Variants in PHRF1 observed in about 807,000 individuals in gnomAD.
PHRF1 encodes PHD and RING finger domain-containing protein 1.
In PHRF1, 53 loss-of-function variants were observed where a neutral mutation model predicts 128.9. The ratio of observed to expected loss-of-function variants is 0.41; its 90% confidence interval spans 0.33 to 0.52. The LOEUF (loss-of-function observed/expected upper bound fraction) is 0.52, where lower values mean the gene tolerates loss of function less well. Ranked by LOEUF, PHRF1 falls within the 20% of genes least tolerant of loss-of-function variation. The pLI, the probability that PHRF1 is intolerant of heterozygous loss-of-function variation, is 0.21. For synonymous variants in PHRF1, 1,178 were observed against 980.6 expected (o/e 1.20, Z -3.76); for missense variants, 2,503 against 2,284.5 (o/e 1.10, Z -1.95).
At chr11:577,513 CAG>C (rs1853949885) in intron 1 of PHRF1, among the ~76,000 whole-genome samples, 1 of 152,238 alleles carries the variant, frequency 6.6e-6, no homozygotes, top group African/African-American at 2.4e-5. Context: ...AATGTTAAGT[CAG>C]AGTGCTAGTG....
At chr11:610,856 T>C in intron 16 of PHRF1, 95 bp downstream of exon 16, 1 of 1,583,736 alleles carries the variant, frequency 6.3e-7, no homozygotes, top group South Asian at 1.1e-5. Context: ...CTGGTCGCTG[T>C]GCCTCTGGAA....
At position 609,419 on chromosome 11, in the gene PHRF1, G is replaced by T. The variant is rs1856204348; in HGVS notation, c.3963G>T (p.Arg1321Ser). ...GCCTGGCCGTGGCCGCCATCCAGAG[G>T]GAGGTGTCATTGATGCACGATGAAG... Reference protein sequence around the residue: ...PASLAVAAIQREVSLMHDEDP... With the variant: ...PASLAVAAIQSEVSLMHDEDP... Residue 1321 changes from arginine (R) to serine (S), a missense_variant, in exon 14 of 18, where the codon AGG becomes AGT. Coordinates refer to ENST00000264555, the MANE Select transcript of PHRF1 (RefSeq NM_001286581.2). The T allele has an allele frequency of 5.0e-6, 8 of 1,609,630 alleles. No individual in the cohort carries two copies. Among genetic ancestry groups the T allele is most frequent in the Non-Finnish European group, 5.9e-6 (7 of 1,179,842 alleles).
Position 592,689 on chromosome 11 carries a change from G to A in PHRF1, c.620+15G>A, listed in dbSNP as rs755160050. 7.4e-6 allele frequency: 12 copies of A among 1,613,372 alleles called. No individual in the cohort carries two copies. The highest frequency in any genetic ancestry group is 1.3e-5 in the African/African-American group (1 of 74,942). On this transcript the variant is annotated intron_variant, in intron 6 of 17. Coordinates refer to ENST00000264555, the MANE Select transcript of PHRF1 (RefSeq NM_001286581.2). ...TGCGATGCGGGGTAAGGGACGGTTG[G>A]GACTGGCACACGTGCCCTGCTGCGT...
At position 608,436 on chromosome 11, in the gene PHRF1, C is replaced by T. The variant is rs760052093; in HGVS notation, c.2980C>T (p.Arg994Cys). The change falls in exon 14 of 18, where the codon CGC (arginine) becomes TGC (cysteine). Residue 994 changes from arginine to cysteine, a missense_variant. Physicochemically the swap from Arg to Cys is radical, Grantham distance 180 (BLOSUM62 -3). Coordinates refer to ENST00000264555, the MANE Select transcript of PHRF1 (RefSeq NM_001286581.2). Reference sequence around the variant, plus strand: ...GGAGCTCAGGCCCCCTTCCCGGTCCCGCTCCACATCCAGCTCCCGCAGCAG... The same window carrying T: ...GGAGCTCAGGCCCCCTTCCCGGTCCTGCTCCACATCCAGCTCCCGCAGCAG... ...VVELRPPSRS[R>C]STSSSRSRKK... 11 of 1,612,054 alleles carry T rather than the reference C, an allele frequency of 6.8e-6. No individual in the cohort carries two copies. Among genetic ancestry groups the T allele is most frequent in the East Asian group, 6.7e-5 (3 of 44,878 alleles).
At chr11:598,828 G>A (rs1161195468) in intron 9 of PHRF1, among the ~76,000 whole-genome samples, 2 of 152,194 alleles carry the variant, frequency 1.3e-5, no homozygotes, top group Non-Finnish European at 2.9e-5. Context: ...GTCAGAATAC[G>A]CCCTGAAGCC....
At chr11:595,974 T>C (rs1855251904) in intron 6 of PHRF1, among the ~76,000 whole-genome samples, 1 of 152,208 alleles carries the variant, frequency 6.6e-6, no homozygotes, top group Non-Finnish European at 1.5e-5. Flanking sequence ...CTCCTGTCTT[T>C]CTTGTATGGC....
chr11:597,056 G>A lies in PHRF1; in HGVS notation c.718+36G>A. On this transcript the variant is annotated intron_variant, in intron 7 of 17. Coordinates refer to ENST00000264555, the MANE Select transcript of PHRF1 (RefSeq NM_001286581.2). The surrounding 1 kb of genome is among the most constrained non-coding windows in gnomAD (Gnocchi z 6.5). ...TGCTCCCGTCCCAAGGCGCACATGG[G>A]CCTTCTCACTGTCCACTCTGCGGTC... 6.3e-7 allele frequency: 1 copy of A among 1,599,342 alleles called. No individual in the cohort carries two copies. The highest frequency in any genetic ancestry group is 8.6e-7 in the Non-Finnish European group (1 of 1,168,858).
intron 4 of PHRF1, among the ~76,000 whole-genome samples, chr11:589,481 T>C (rs1854791788): frequency 6.6e-6 from 1 of 152,118 alleles, no homozygotes; most frequent in Admixed American, 6.6e-5. Context: ...ATATTATGAT[T>C]TATAAAACTA....
chr11:584,113 T>C (rs993970651), intron 3 of PHRF1, among the ~76,000 whole-genome samples: 1 of 152,236 alleles, frequency 6.6e-6, no homozygotes, highest in Non-Finnish European at 1.5e-5. Context: ...GTGTTGGCCG[T>C]GTCCTTCCAG....
intron 3 of PHRF1, among the ~76,000 whole-genome samples, chr11:583,772 G>GTGGTACCTCCTTCC (rs1472533297): frequency 2.6e-5 from 4 of 152,204 alleles, no homozygotes; most frequent in Non-Finnish European, 5.9e-5. Flanking sequence ...GGGTGCGCTG[G>GTGGTACCTCCTTCC]TGGTACCTCC....
At position 609,539 on chromosome 11, in the gene PHRF1, G is replaced by A. The variant is rs764330134; in HGVS notation, c.4083G>A (p.Pro1361=). The A allele has an allele frequency of 9.4e-6, 15 of 1,600,006 alleles. No homozygotes were observed. Among genetic ancestry groups the A allele is most frequent in the South Asian group, 5.6e-5 (5 of 89,504 alleles). ...AAEKAEAPSS[P]DVAPAGKEDS... is the part of the protein sequence containing the mutation. ...AGAAGGCTGAGGCACCCAGTTCCCC[G>A]GATGTGGCGCCTGCGGGGAAGGAAG... The change falls in exon 14 of 18, where the codon CCG becomes CCA. Residue 1361 remains proline, a synonymous_variant. Transcript: ENST00000264555.
At chr11:587,898 A>G (rs1038130097) in intron 4 of PHRF1, among the ~76,000 whole-genome samples, 6 of 152,216 alleles carry the variant, frequency 3.9e-5, no homozygotes, top group Non-Finnish European at 7.3e-5. Flanking sequence ...GACTGTCCTT[A>G]AAACAGGTGA....
rs1212904400 is a variant in PHRF1 at position 585,680 on chromosome 11, C to CT, written c.215-1561dup. 6.5e-3 allele frequency among the ~76,000 whole-genome samples: 455 copies of CT among 70,354 alleles called. 128 individuals are homozygous for CT. Among genetic ancestry groups the CT allele is most frequent in the Admixed American group, 0.011 (74 of 6,830 alleles). The allele number at this position is 70,354 out of a possible 152,430, so 46.2% of individuals were successfully genotyped here. ...AGCTTGAGGTAGTAGCTCTTCAACT[C>CT]TTTTTTTTTTTTTTTTTTGAGGTCG... is the stretch of plus-strand genomic sequence containing the variant. On this transcript the variant is annotated intron_variant, in intron 3 of 17. Transcript: ENST00000264555.
chr11:598,641 A>C, intron 9 of PHRF1, 139 bp downstream of exon 9: 24 of 1,304,746 alleles, frequency 1.8e-5, no homozygotes, highest in Non-Finnish European at 2.5e-5. Context: ...AAAACACTAC[A>C]CAGAAGCCGC....
At position 605,120 on chromosome 11, in the gene PHRF1, G is replaced by A. The variant is rs764860202; in HGVS notation, c.1154G>A (p.Ser385Asn). ...CTTTTTCTTTGTTACTGGATTCAGA[G>A]TGAAGCCACCACTCGCTCTCGAATC... ...VKKRRGKKVK[S>N]EATTRSRIAR... Residue 385 changes from serine to asparagine, a missense_variant and splice_region_variant, in exon 11 of 18, where the codon AGT (serine) becomes AAT (asparagine). Physicochemically the swap from Ser to Asn is conservative, Grantham distance 46. Coordinates refer to ENST00000264555, the MANE Select transcript of PHRF1 (RefSeq NM_001286581.2). The A allele has an allele frequency of 6.2e-7, 1 of 1,607,294 alleles. No individual in the cohort carries two copies. The highest frequency in any genetic ancestry group is 1.3e-5 in the African/African-American group (1 of 74,838).
At chr11:603,326 T>A (rs569427005) in intron 10 of PHRF1, among the ~76,000 whole-genome samples, 2 of 152,192 alleles carry the variant, frequency 1.3e-5, no homozygotes, top group African/African-American at 4.8e-5. Context: ...AAGTGTTGTT[T>A]GTTTGTTTGT....
chr11:599,660 C>A (rs983306059), intron 9 of PHRF1, among the ~76,000 whole-genome samples: 14 of 152,132 alleles, frequency 9.2e-5, no homozygotes, highest in Admixed American at 5.9e-4. Context: ...GTTATGAGAC[C>A]ACACTTCAGC....
intron 1 of PHRF1, among the ~76,000 whole-genome samples, chr11:578,991 C>T (rs1005185109): frequency 3.3e-5 from 5 of 152,182 alleles, no homozygotes; most frequent in Admixed American, 2.0e-4. Context: ...AGGTGCACGC[C>T]GCCATGCCCG....
chr11:609,506 C>A lies in PHRF1; in HGVS notation c.4050C>A (p.Asp1350Glu). Reference protein sequence around the residue: ...GTQEPHLLRPDAAEKAEAPSS... With the variant: ...GTQEPHLLRPEAAEKAEAPSS... ...AGGAGCCACATTTGCTCAGGCCGGACGCGGCTGAGAAGGCTGAGGCACCCA... is the reference window on the plus strand; with the variant it reads ...AGGAGCCACATTTGCTCAGGCCGGAAGCGGCTGAGAAGGCTGAGGCACCCA... The change falls in exon 14 of 18, where the codon GAC becomes GAA. Residue 1350 changes from aspartate (D) to glutamate (E), a missense_variant. Transcript: ENST00000264555. The A allele has an allele frequency of 6.2e-7, 1 of 1,603,210 alleles. No homozygotes were observed.
Sources: allele counts gnomAD v4.1 joint callset (sites outside exome capture counted in the v4.1 genomes callset), GRCh38; gene constraint gnomAD v4.1.1; non-coding constraint Gnocchi (gnomAD v3.1); transcripts MANE v1.5; gene names NCBI Gene and HGNC (gene_info 2026-07-23, HGNC 2026-07-21).